PRDM16: variants seen among roughly 807,000 people sequenced by gnomAD.
PRDM16 encodes the protein PR/SET domain 16.
Under a neutral mutation model 110.6 loss-of-function variants are expected in PRDM16, and 23 were observed. That is an observed-to-expected ratio of 0.21 (90% CI 0.15 to 0.29). The LOEUF (loss-of-function observed/expected upper bound fraction) is 0.29. PRDM16 is among the 10% of genes least tolerant of loss of function. The pLI is 1.00. For missense variants in PRDM16, 1,615 were observed against 1,794.3 expected, an observed-to-expected ratio of 0.90 and a Z score of 1.81; for synonymous variants, 799 against 781.8, an observed-to-expected ratio of 1.02 and a Z score of -0.37.
rs1266470033 is a variant in PRDM16 at position 3,175,153 on chromosome 1, C to T, written c.38-10972C>T. On this transcript the variant is annotated intron_variant, in intron 1 of 16. Transcript: ENST00000270722. The surrounding 1 kb of genome is among the most constrained non-coding windows in gnomAD (Gnocchi z 4.8). ...GCGAGGGGAGAAGCTATTGCCTTTA[C>T]CGCACAGTTTTAAAGACAGAAGAAC... 2.0e-5 allele frequency among the ~76,000 whole-genome samples: 3 copies of T among 152,178 alleles called. No homozygotes were observed. In the East Asian group the frequency reaches 5.8e-4, roughly 29 times the overall value.
intron 14 of PRDM16, among the ~76,000 whole-genome samples, chr1:3,429,272 C>T (rs1638700952): frequency 6.6e-6 from 1 of 152,256 alleles, no homozygotes; most frequent in African/African-American, 2.4e-5. Flanking sequence ...AACTGACTGT[C>T]CTCCCTGTTG....
chr1:3,123,289 G>A (rs763183894), intron 1 of PRDM16, among the ~76,000 whole-genome samples: 2 of 152,224 alleles, frequency 1.3e-5, no homozygotes, highest in Non-Finnish European at 2.9e-5. Context: ...CAGGAAAGCC[G>A]ACAGGACCCT....
At chr1:3,368,422 C>G (rs1642853544) in intron 3 of PRDM16, among the ~76,000 whole-genome samples, 1 of 152,208 alleles carries the variant, frequency 6.6e-6, no homozygotes, top group Non-Finnish European at 1.5e-5. Flanking sequence ...GGAGACTCTT[C>G]TGTATCCATG....
At chr1:3,097,057 C>G (rs1323919600) in intron 1 of PRDM16, among the ~76,000 whole-genome samples, 1 of 152,158 alleles carries the variant, frequency 6.6e-6, no homozygotes, top group East Asian at 1.9e-4. Context: ...CCTGGGGGAC[C>G]CTTTTGCTGG....
At chr1:3,139,424 C>T (rs902420004) in intron 1 of PRDM16, among the ~76,000 whole-genome samples, 5 of 152,338 alleles carry the variant, frequency 3.3e-5, no homozygotes, top group South Asian at 4.1e-4. Context: ...TGATAGCAGG[C>T]GACTTGCTTT....
chr1:3,349,786 A>G (rs1339961804), intron 3 of PRDM16, among the ~76,000 whole-genome samples: 4 of 152,198 alleles, frequency 2.6e-5, no homozygotes, highest in Admixed American at 6.5e-5. Flanking sequence ...GTGTTCACAG[A>G]GGCCTGAGCT....
Position 3,412,205 on chromosome 1 carries a change from T to C in PRDM16, c.2008T>C (p.Ser670Pro), listed in dbSNP as rs899536390. 6.2e-7 allele frequency: 1 copy of C among 1,605,354 alleles called. No homozygotes were observed. The highest frequency in any genetic ancestry group is 8.5e-7 in the Non-Finnish European group (1 of 1,174,134). ...NSVAEVPVFYSQHSFFPPPDE... is the reference protein window; with the variant it reads ...NSVAEVPVFYPQHSFFPPPDE... Reference sequence around the variant, plus strand: ...CGTGGCCGAGGTGCCTGTCTTCTATTCCCAGCACTCATTCTTCCCGCCACC... The same window carrying C: ...CGTGGCCGAGGTGCCTGTCTTCTATCCCCAGCACTCATTCTTCCCGCCACC... Residue 670 changes from serine to proline, a missense_variant, in exon 9 of 17, where the codon TCC (serine) becomes CCC (proline). Transcript: ENST00000270722.
rs997834069 is a variant in PRDM16 at position 3,208,942 on chromosome 1, A to T, written c.387+22468A>T. ...GAAACCTGGCTTTTCCCATGAACAG[A>T]TGTCCCCCTCGCCACATCAAGGGAG... On this transcript the variant is annotated intron_variant, in intron 2 of 16. Coordinates refer to ENST00000270722, the MANE Select transcript of PRDM16 (RefSeq NM_022114.4). This position sits in a 1 kb window ranked among gnomAD's most constrained non-coding sequence, Gnocchi z 6.1. 3.3e-5 allele frequency among the ~76,000 whole-genome samples: 5 copies of T among 152,148 alleles called. No individual in the cohort carries two copies. The highest frequency in any genetic ancestry group is 9.7e-5 in the African/African-American group (4 of 41,424).
intron 3 of PRDM16, among the ~76,000 whole-genome samples, chr1:3,332,540 G>T (rs2100491453): frequency 6.6e-6 from 1 of 152,134 alleles, no homozygotes; most frequent in African/African-American, 2.4e-5. Flanking sequence ...TCGGTCTTAT[G>T]CTTCAAGGGT....
intron 1 of PRDM16, among the ~76,000 whole-genome samples, chr1:3,147,947 G>C (rs1302909966): frequency 6.6e-6 from 1 of 152,224 alleles, no homozygotes; most frequent in Non-Finnish European, 1.5e-5. Context: ...TGCGCTGACA[G>C]TCTCTGATTC....
At chr1:3,321,915 T>C (rs1475363875) in intron 3 of PRDM16, among the ~76,000 whole-genome samples, 3 of 151,484 alleles carry the variant, frequency 2.0e-5, no homozygotes, top group Admixed American at 2.0e-4. Flanking sequence ...AGCACGTGTG[T>C]AAAGGGCACA....
At chr1:3,333,680 T>C (rs908819017) in intron 3 of PRDM16, among the ~76,000 whole-genome samples, 2 of 152,122 alleles carry the variant, frequency 1.3e-5, no homozygotes, top group African/African-American at 2.4e-5. Flanking sequence ...CCCCTCCAAA[T>C]CTCATGTTGA....
chr1:3,200,105 A>T (rs1402905933), intron 2 of PRDM16, among the ~76,000 whole-genome samples: 4 of 152,234 alleles, frequency 2.6e-5, no homozygotes, highest in Non-Finnish European at 4.4e-5. Context: ...GCAGAGGCTG[A>T]GGCTCACCTG....
chr1:3,200,646 G>A (rs1201432856), intron 2 of PRDM16, among the ~76,000 whole-genome samples: 1 of 152,202 alleles, frequency 6.6e-6, no homozygotes, highest in Non-Finnish European at 1.5e-5. Context: ...CCAGCCTAAG[G>A]TGGATTTTAA....
chr1:3,409,971 TTG>T (rs538188552), intron 8 of PRDM16, among the ~76,000 whole-genome samples: 1 of 69,910 alleles, frequency 1.4e-5, no homozygotes, highest in Non-Finnish European at 2.7e-5. Flanking sequence ...GGGGGTGTGG[TTG>T]TGTGTTTGCA....
chr1:3,265,583 CT>C lies in PRDM16; in HGVS notation c.438+21447del, dbSNP rs1640266834. On this transcript the variant is annotated intron_variant, in intron 3 of 16. Coordinates refer to ENST00000270722, the MANE Select transcript of PRDM16 (RefSeq NM_022114.4). The surrounding 1 kb of genome is among the most constrained non-coding windows in gnomAD (Gnocchi z 4.5). ...CATGGGAAGAGGAGAAGGGGTCGTC[CT>C]GGTGGGAGAGGGAGAAGCAGACCGC... 6.6e-6 allele frequency among the ~76,000 whole-genome samples: 1 copy of C among 152,018 alleles called. No individual in the cohort carries two copies. The highest frequency in any genetic ancestry group is 2.4e-5 in the African/African-American group (1 of 41,362).
At chr1:3,340,983 C>T (rs1352806465) in intron 3 of PRDM16, among the ~76,000 whole-genome samples, 2 of 152,164 alleles carry the variant, frequency 1.3e-5, no homozygotes, top group African/African-American at 2.4e-5. Flanking sequence ...CACCTTCCCT[C>T]GGGCTGTGTG....
chr1:3,268,631 A>G (rs1314285292), intron 3 of PRDM16, among the ~76,000 whole-genome samples: 2 of 152,194 alleles, frequency 1.3e-5, no homozygotes, highest in African/African-American at 2.4e-5. Context: ...CAGAAACCAC[A>G]GCTGCCCCTG....
intron 3 of PRDM16, among the ~76,000 whole-genome samples, chr1:3,321,990 G>GTGTGTGTGAGTGCGTACGTT (rs549836476): frequency 6.6e-6 from 1 of 151,748 alleles, no homozygotes; most frequent in African/African-American, 2.4e-5. Flanking sequence ...GGGGGTGCAT[G>GTGTGTGTGAGTGCGTACGTT]TGTGTGTGAG....
Sources: gnomAD v4.1 joint callset for allele counts (sites outside exome capture counted in the v4.1 genomes callset) on GRCh38, gnomAD v4.1.1 for gene constraint, Gnocchi (gnomAD v3.1) non-coding constraint, MANE v1.5 for transcripts, NCBI Gene and HGNC (gene_info 2026-07-23, HGNC 2026-07-21) for gene names.